The following LRFN2 variants were observed in gnomAD, a reference collection of about 807,000 sequenced individuals.
LRFN2 encodes leucine-rich repeat and fibronectin type-III domain-containing protein 2.
A neutral mutation model predicts 37.3 loss-of-function variants in LRFN2; 18 were observed. That is an observed-to-expected ratio of 0.48 (90% confidence interval 0.33 to 0.72). The LOEUF is 0.72. Among genes scored for constraint, LRFN2 ranks in the 30% least tolerant of loss-of-function variants. The pLI is 0.02. For missense variants in LRFN2, 1,006 were observed against 1,060.7 expected, an observed-to-expected ratio of 0.95 and a Z score of 0.72; for synonymous variants, 556 against 466.6, an observed-to-expected ratio of 1.19 and a Z score of -2.47.
chr6:40,418,715 C>A (rs1169244876), intron 2 of LRFN2, among the ~76,000 whole-genome samples: 1 of 152,276 alleles, frequency 6.6e-6, no homozygotes, highest in East Asian at 1.9e-4. Context: ...AGTCACGCCA[C>A]CTCCCTATGG....
chr6:40,491,036 A>T (rs1765080845), intron 1 of LRFN2, among the ~76,000 whole-genome samples: 1 of 152,196 alleles, frequency 6.6e-6, no homozygotes, highest in Non-Finnish European at 1.5e-5. Context: ...GAGGAGGAAG[A>T]CAAAGAGGAT....
intron 2 of LRFN2, among the ~76,000 whole-genome samples, chr6:40,429,890 G>C (rs553035563): frequency 6.6e-6 from 1 of 152,272 alleles, no homozygotes; most frequent in Admixed American, 6.5e-5. Context: ...TGAGTGGGAA[G>C]AATTAAGATA....
At chr6:40,488,697 C>T (rs937820065) in intron 1 of LRFN2, among the ~76,000 whole-genome samples, 2 of 152,172 alleles carry the variant, frequency 1.3e-5, no homozygotes, top group Admixed American at 6.5e-5. Context: ...TCCCTACAAC[C>T]TTTAGAAGGA....
chr6:40,563,808 ACTTCC>A (rs1767042420), intron 1 of LRFN2, among the ~76,000 whole-genome samples: 1 of 152,096 alleles, frequency 6.6e-6, no homozygotes, highest in African/African-American at 2.4e-5. Context: ...GTCTTCAATA[ACTTCC>A]CTGTCCTTGT....
chr6:40,436,292 T>C (rs1254676766), intron 1 of LRFN2, among the ~76,000 whole-genome samples: 1 of 152,142 alleles, frequency 6.6e-6, no homozygotes, highest in Non-Finnish European at 1.5e-5. Context: ...ACCAAATATA[T>C]CCTGTCACCT....
chr6:40,435,475 T>G (rs1581703704), intron 1 of LRFN2, among the ~76,000 whole-genome samples: 1 of 152,258 alleles, frequency 6.6e-6, no homozygotes, highest in East Asian at 1.9e-4. Context: ...CTTGTGGAAG[T>G]AGAGCTCTAT....
In LRFN2 at chr6:40,431,958, T is replaced by C. The variant is rs767146471; in HGVS notation, c.1156A>G (p.Thr386Ala). 6.2e-7 allele frequency: 1 copy of C among 1,610,698 alleles called. No homozygotes were observed. The highest frequency in any genetic ancestry group is 8.5e-7 in the Non-Finnish European group (1 of 1,179,454). The change falls in exon 2 of 3, where the codon ACC (threonine) becomes GCC (alanine). Residue 386 changes from threonine to alanine, a missense_variant. This residue lies in a region of LRFN2 where 303 missense variants were observed against 299.8 expected (regional missense o/e 1.01). Transcript: ENST00000338305. Reference sequence around the variant, plus strand: ...GACTTGGGGGGTGCAGTGCGGCTGGTGCTGTTGCTGAGGTGTGGCAGCTGG... The same window carrying C: ...GACTTGGGGGGTGCAGTGCGGCTGGCGCTGTTGCTGAGGTGTGGCAGCTGG... ...IVQLPHLSNSTSRTAPPKSRL... is the reference protein window; with the variant it reads ...IVQLPHLSNSASRTAPPKSRL...
chr6:40,547,856 C>G (rs189701965), intron 1 of LRFN2, among the ~76,000 whole-genome samples: 16 of 152,298 alleles, frequency 1.1e-4, no homozygotes, highest in African/African-American at 3.6e-4. Context: ...GTAACAGCCT[C>G]CCAGTGTTAC....
chr6:40,409,761 G>C (rs570145271), intron 2 of LRFN2, among the ~76,000 whole-genome samples: 1 of 152,160 alleles, frequency 6.6e-6, no homozygotes, highest in African/African-American at 2.4e-5. Flanking sequence ...GCCAGCACTC[G>C]TGCATGAATG....
At chr6:40,427,382 G>A (rs907830960) in intron 2 of LRFN2, among the ~76,000 whole-genome samples, 12 of 152,306 alleles carry the variant, frequency 7.9e-5, no homozygotes, top group East Asian at 7.7e-4. Flanking sequence ...TGACTGTGAC[G>A]TGCTCTGTTT....
At chr6:40,400,359 G>A (rs1353428530) in intron 2 of LRFN2, among the ~76,000 whole-genome samples, 1 of 150,796 alleles carries the variant, frequency 6.6e-6, no homozygotes, top group Non-Finnish European at 1.5e-5. Context: ...TCAAGGGTTA[G>A]TTAATGGTGA....
At chr6:40,584,578 G>A (rs1021509064) in intron 1 of LRFN2, among the ~76,000 whole-genome samples, 41 of 152,234 alleles carry the variant, frequency 2.7e-4, no homozygotes, top group African/African-American at 9.1e-4. Flanking sequence ...TTCCAGTCTA[G>A]CAGCCTCCCC....
intron 1 of LRFN2, among the ~76,000 whole-genome samples, chr6:40,497,259 A>G (rs1450236762): frequency 6.6e-6 from 1 of 151,958 alleles, no homozygotes; most frequent in African/African-American, 2.4e-5. Context: ...TTACCAGCAA[A>G]CCACTCCCTG....
intron 1 of LRFN2, among the ~76,000 whole-genome samples, chr6:40,570,921 G>T (rs1472336269): frequency 6.6e-6 from 1 of 152,252 alleles, no homozygotes; most frequent in Non-Finnish European, 1.5e-5. Context: ...CCAGCTAAAG[G>T]GTTAGGATTT....
At chr6:40,439,931 CAG>C (rs772032528) in intron 1 of LRFN2, among the ~76,000 whole-genome samples, 2 of 152,116 alleles carry the variant, frequency 1.3e-5, no homozygotes, top group Non-Finnish European at 2.9e-5. Flanking sequence ...GAAAGAGAGA[CAG>C]AGAATCCCCT....
At chr6:40,544,576 G>A (rs1766620769) in intron 1 of LRFN2, among the ~76,000 whole-genome samples, 1 of 152,168 alleles carries the variant, frequency 6.6e-6, no homozygotes, top group Non-Finnish European at 1.5e-5. Flanking sequence ...GATTCAGACT[G>A]TCTGATCTGG....
At chr6:40,490,931 C>T (rs1005699512) in intron 1 of LRFN2, among the ~76,000 whole-genome samples, 9 of 152,130 alleles carry the variant, frequency 5.9e-5, no homozygotes, top group Admixed American at 2.0e-4. Flanking sequence ...TTGTCTCGTC[C>T]GGATATATGG....
intron 1 of LRFN2, among the ~76,000 whole-genome samples, chr6:40,499,572 G>A (rs1765321427): frequency 2.0e-5 from 3 of 152,142 alleles, no homozygotes; most frequent in African/African-American, 4.8e-5. Flanking sequence ...TGGATTTAGG[G>A]CTTCGCAGGG....
At chr6:40,545,988 T>A (rs951793073) in intron 1 of LRFN2, among the ~76,000 whole-genome samples, 1 of 152,178 alleles carries the variant, frequency 6.6e-6, no homozygotes, top group Non-Finnish European at 1.5e-5. Context: ...AATGATAATA[T>A]TTTAGCGCTG....
Sources: gnomAD v4.1 joint callset for allele counts (sites outside exome capture counted in the v4.1 genomes callset) on GRCh38, gnomAD v4.1.1 for gene constraint, gnomAD v4.1.1 regional missense constraint, MANE v1.5 for transcripts, NCBI Gene and HGNC (gene_info 2026-07-23, HGNC 2026-07-21) for gene names.